TLN2: variants seen among roughly 807,000 people sequenced by gnomAD.
TLN2 encodes talin 2.
In TLN2, 118 loss-of-function variants were observed where a neutral mutation model predicts 294.7. That is an observed-to-expected ratio of 0.40 (90% CI 0.34 to 0.47). TLN2 has a LOEUF of 0.47. Ranked by LOEUF, TLN2 falls within the 20% of genes least tolerant of loss-of-function variation. TLN2 has a pLI of 0.84. For missense variants in TLN2, 3,083 were observed against 3,282.2 expected, an observed-to-expected ratio of 0.94 and a Z score of 1.48; for synonymous variants, 1,431 against 1,304.5, an observed-to-expected ratio of 1.10 and a Z score of -2.09.
At chr15:62,621,633 T>A (rs539386390) in intron 3 of TLN2, among the ~76,000 whole-genome samples, 15 of 152,332 alleles carry the variant, frequency 9.8e-5, no homozygotes, top group South Asian at 6.2e-4. Context: ...GGTACTTATA[T>A]GTTTGAGAAA....
chr15:62,491,915 A>T (rs1286286701), intron 1 of TLN2, among the ~76,000 whole-genome samples: 1 of 152,174 alleles, frequency 6.6e-6, no homozygotes, highest in Non-Finnish European at 1.5e-5. Flanking sequence ...GCCTTATCTC[A>T]CCAAGGGAAA....
intron 1 of TLN2, among the ~76,000 whole-genome samples, chr15:62,583,121 G>A (rs78675714): frequency 0.065 from 9,930 of 152,200 alleles, 544 homozygotes; most frequent in African/African-American, 0.14. Flanking sequence ...CCATTTGAAG[G>A]TGTTGTAACA....
chr15:62,569,840 A>AT (rs2043719152), intron 1 of TLN2, among the ~76,000 whole-genome samples: 3 of 152,178 alleles, frequency 2.0e-5, no homozygotes, highest in Admixed American at 2.0e-4. Flanking sequence ...AGAAGCTATG[A>AT]TTTGGTCTTT....
At chr15:62,427,014 G>A (rs2034754893) in intron 1 of TLN2, among the ~76,000 whole-genome samples, 1 of 152,166 alleles carries the variant, frequency 6.6e-6, no homozygotes, top group Admixed American at 6.5e-5. Context: ...TCTGGTAAAG[G>A]TGACAGAAGG....
At chr15:62,764,398 C>T (rs1361361943) in intron 40 of TLN2, among the ~76,000 whole-genome samples, 1 of 152,150 alleles carries the variant, frequency 6.6e-6, no homozygotes, top group Admixed American at 6.5e-5. Context: ...GTTTATCTTC[C>T]TGCCACTGAA....
chr15:62,648,039 A>G (rs2052105620), intron 4 of TLN2, among the ~76,000 whole-genome samples: 1 of 151,398 alleles, frequency 6.6e-6, no homozygotes, highest in Admixed American at 6.6e-5. Context: ...TCTTTCTTTT[A>G]TTTAGTATTT....
chr15:62,577,705 T>TA (rs2044549452), intron 1 of TLN2, among the ~76,000 whole-genome samples: 3 of 152,268 alleles, frequency 2.0e-5, no homozygotes, highest in African/African-American at 7.2e-5. Context: ...AAATTTTTTT[T>TA]TAATATACTT....
intron 2 of TLN2, among the ~76,000 whole-genome samples, chr15:62,596,712 G>T (rs949253993): frequency 4.0e-5 from 6 of 150,472 alleles, no homozygotes; most frequent in Admixed American, 1.3e-4. Context: ...CACTCCAGCA[G>T]CCTGGGCAAC....
intron 21 of TLN2, 114 bp from the exon 22 acceptor site, chr15:62,711,797 G>GT (rs937004057): frequency 5.6e-6 from 7 of 1,240,354 alleles, no homozygotes; most frequent in Non-Finnish European, 5.5e-6. Context: ...TGGAGGTTCA[G>GT]TTTTTTTGCT....
At chr15:62,633,900 A>G (rs963913670) in intron 3 of TLN2, among the ~76,000 whole-genome samples, 3 of 152,114 alleles carry the variant, frequency 2.0e-5, no homozygotes, top group Non-Finnish European at 4.4e-5. Flanking sequence ...GCTGTGAGGG[A>G]AGGATCTGTT....
At chr15:62,549,810 A>G (rs571566853) in intron 1 of TLN2, among the ~76,000 whole-genome samples, 1 of 152,308 alleles carries the variant, frequency 6.6e-6, no homozygotes, top group Admixed American at 6.5e-5. Context: ...AGAGGGAAAC[A>G]TGATAAATGA....
intron 34 of TLN2, among the ~76,000 whole-genome samples, chr15:62,751,198 T>A (rs2040527153): frequency 6.6e-6 from 1 of 152,118 alleles, no homozygotes; most frequent in South Asian, 2.1e-4. Context: ...CCAATGTCTT[T>A]TGAGAATGCC....
intron 54 of TLN2, among the ~76,000 whole-genome samples, chr15:62,821,331 GTTT>G (rs2067547855): frequency 6.6e-6 from 1 of 152,194 alleles, no homozygotes; most frequent in Admixed American, 6.5e-5. Flanking sequence ...GAGGCGGCCT[GTTT>G]TTCTTCCTAT....
chr15:62,644,307 G>C (rs1462883491), intron 3 of TLN2, among the ~76,000 whole-genome samples: 2 of 152,026 alleles, frequency 1.3e-5, no homozygotes, highest in African/African-American at 4.8e-5. Context: ...TCTACCCTCT[G>C]TCTGTTCTCT....
chr15:62,698,802 G>A lies in TLN2; in HGVS notation c.1522G>A (p.Ala508Thr), dbSNP rs539690024. The A allele has an allele frequency of 8.7e-6, 14 of 1,612,514 alleles. No individual in the cohort carries two copies. The highest frequency in any genetic ancestry group is 8.3e-5 in the Admixed American group (5 of 60,020). Residue 508 changes from alanine (A) to threonine (T), a missense_variant, in exon 16 of 59, where the codon GCC (alanine) becomes ACC (threonine). Ala to Thr is a moderately conservative substitution (Grantham distance 58, BLOSUM62 0). Coordinates refer to ENST00000636159, the MANE Select transcript of TLN2 (RefSeq NM_015059.3). ...LMGTINTSMHAVQQAQDDLSE... is the reference protein window; with the variant it reads ...LMGTINTSMHTVQQAQDDLSE... ...GGGGACCATCAACACAAGCATGCAC[G>A]CCGTCCAGCAGGCCCAGGATGATCT...
At chr15:62,472,173 A>G (rs1567005376) in intron 1 of TLN2, among the ~76,000 whole-genome samples, 1 of 151,994 alleles carries the variant, frequency 6.6e-6, no homozygotes, top group Non-Finnish European at 1.5e-5. Context: ...CACCTCCTGC[A>G]TTGTATTCAC....
chr15:62,589,918 A>G (rs372369311), intron 2 of TLN2, among the ~76,000 whole-genome samples, 156 bp downstream of exon 2: 35 of 152,240 alleles, frequency 2.3e-4, no homozygotes, highest in African/African-American at 7.5e-4. Context: ...CCCGGTCCTA[A>G]TATTCCCATT....
rs182858807 is a variant in TLN2, at chr15:62,769,475, G to T, written c.5197-1489G>T. Reference sequence around the variant, plus strand: ...GGACCCCTTTAAAATTCATTCAAAGGCTCCCTAAGGGCCGGGAACAGCCCT... The same window carrying T: ...GGACCCCTTTAAAATTCATTCAAAGTCTCCCTAAGGGCCGGGAACAGCCCT... On this transcript the variant is annotated intron_variant, in intron 41 of 58. Coordinates refer to ENST00000636159, the MANE Select transcript of TLN2 (RefSeq NM_015059.3). Among the ~76,000 whole-genome samples the T allele has an allele frequency of 2.1e-4, 32 of 152,236 alleles. No individual in the cohort carries two copies. In the East Asian group the frequency reaches 6.2e-3, roughly 29 times the overall value.
chr15:62,722,228 T>G, intron 25 of TLN2, 125 bp from the exon 26 acceptor site: 1 of 1,145,524 alleles, frequency 8.7e-7, no homozygotes, highest in South Asian at 2.1e-5. Flanking sequence ...GGATGAGTTG[T>G]TTAATATTCC....
Sources: gnomAD v4.1 joint callset for allele counts (sites outside exome capture counted in the v4.1 genomes callset) on GRCh38, gnomAD v4.1.1 for gene constraint, MANE v1.5 for transcripts, NCBI Gene and HGNC (gene_info 2026-07-23, HGNC 2026-07-21) for gene names.